The following SHC4 variants were observed in gnomAD, a reference collection of about 807,000 sequenced individuals.
The protein encoded by SHC4 is SHC-transforming protein 4.
Under a neutral mutation model 69.4 loss-of-function variants are expected in SHC4, and 41 were observed. The observed-to-expected ratio is 0.59, with a 90% confidence interval of 0.46 to 0.77. SHC4 has a LOEUF of 0.77. SHC4 is among the 30% of genes least tolerant of loss of function. The pLI is 0.00. For missense variants in SHC4, 777 were observed against 783.8 expected (o/e 0.99, Z 0.10); for synonymous variants, 318 against 299.3 (o/e 1.06, Z -0.64).
intron 4 of SHC4, among the ~76,000 whole-genome samples, chr15:48,875,373 T>G (rs1441001078): frequency 6.6e-6 from 1 of 152,232 alleles, no homozygotes. Context: ...TCATTCTTAG[T>G]GGCTAACCAC....
intron 8 of SHC4, 123 bp from the exon 9 acceptor site, chr15:48,851,371 T>C (rs1595731903): frequency 1.6e-5 from 14 of 898,232 alleles, no homozygotes; most frequent in Non-Finnish European, 1.7e-5. Flanking sequence ...CAGGAAATGT[T>C]TGACAGGTAA....
intron 1 of SHC4, among the ~76,000 whole-genome samples, chr15:48,956,501 T>G (rs1373442894): frequency 6.6e-6 from 1 of 152,164 alleles, no homozygotes; most frequent in Admixed American, 6.5e-5. Context: ...CCAAGTCCAG[T>G]CAGACCTAGC....
chr15:48,930,368 T>C (rs1356974018), intron 1 of SHC4, among the ~76,000 whole-genome samples: 1 of 152,272 alleles, frequency 6.6e-6, no homozygotes, highest in East Asian at 1.9e-4. Context: ...GGGTGAAATC[T>C]CTTTTTATAC....
chr15:48,912,499 T>C (rs1358438297), intron 2 of SHC4, among the ~76,000 whole-genome samples: 2 of 152,234 alleles, frequency 1.3e-5, no homozygotes, highest in Non-Finnish European at 2.9e-5. Flanking sequence ...ACTTCTTGTG[T>C]CATTTTCTGG....
intron 11 of SHC4, 85 bp from the exon 12 acceptor site, chr15:48,826,211 T>C: frequency 1.5e-6 from 2 of 1,305,854 alleles, no homozygotes; most frequent in Non-Finnish European, 2.1e-6. Context: ...AAATGCCAGA[T>C]ATATCCCTAA....
At chr15:48,912,638 GT>G (rs1182157593) in intron 2 of SHC4, among the ~76,000 whole-genome samples, 1 of 152,144 alleles carries the variant, frequency 6.6e-6, no homozygotes, top group Non-Finnish European at 1.5e-5. Flanking sequence ...GTGAACTAGT[GT>G]GATTTTTGGG....
rs1901577984 is a variant in SHC4 at position 48,963,224 on chromosome 15, C to T, written c.-209G>A. ...ACGCCTCCCCTGCTCTGATTTCAGT[C>T]TCTCCCTGGCCCAGGCAGAGGCACC... On this transcript the variant is annotated 5_prime_UTR_variant, in exon 1 of 12. Coordinates refer to ENST00000332408, the MANE Select transcript of SHC4 (RefSeq NM_203349.4). The T allele has an allele frequency of 7.3e-6, 4 of 546,638 alleles. No homozygotes were observed. The East Asian group carries it at 9.1e-5, about 12-fold the overall frequency. 33.9% of individuals were successfully genotyped at this position (546,638 alleles called of 1,614,324 possible).
At chr15:48,937,589 TAGATAGATAGA>T (rs1901096572) in intron 1 of SHC4, among the ~76,000 whole-genome samples, 1 of 143,274 alleles carries the variant, frequency 7.0e-6, no homozygotes, top group Non-Finnish European at 1.6e-5. Flanking sequence ...GACACATAGA[TAGATAGATAGA>T]TAGATAGATA....
intron 1 of SHC4, among the ~76,000 whole-genome samples, chr15:48,937,755 A>G (rs1421387570): frequency 2.0e-5 from 3 of 152,156 alleles, no homozygotes; most frequent in Non-Finnish European, 4.4e-5. Context: ...TGACTTGACA[A>G]AAGATTGCTG....
In SHC4 at chr15:48,890,762, T is replaced by C; in HGVS notation, c.706A>G (p.Ile236Val). The change falls in exon 3 of 12, where the codon ATT (isoleucine) becomes GTT (valine). Residue 236 changes from isoleucine to valine, a missense_variant. By Grantham distance (29) the Ile-to-Val change is conservative. Transcript: ENST00000332408. ...CEAVPGANGAIKKRKPPVKFL... is the reference protein window; with the variant it reads ...CEAVPGANGAVKKRKPPVKFL... ...TCATCATTTACCTTTCGCTTTTTAA[T>C]GGCTCCATTTGCCCCGGGGACAGCT... 6.2e-7 allele frequency: 1 copy of C among 1,614,220 alleles called. No homozygotes were observed. Among genetic ancestry groups the C allele is most frequent in the Non-Finnish European group, 8.5e-7 (1 of 1,180,028 alleles).
intron 4 of SHC4, chr15:48,878,385 A>G: frequency 6.2e-7 from 1 of 1,612,490 alleles, no homozygotes; most frequent in Non-Finnish European, 8.5e-7. Context: ...GCGGCGCCAG[A>G]GGGGAAACGG....
chr15:48,963,685 C>T lies in SHC4; in HGVS notation c.-670G>A, dbSNP rs1197581528. On this transcript the variant is annotated 5_prime_UTR_variant, in exon 1 of 12. Transcript: ENST00000332408. ...AGGAGTACTACTGACGGGCGCTGCT[C>T]CGCATTGTTTCACTGACTTGTGATG... Among the ~76,000 whole-genome samples the T allele has an allele frequency of 6.6e-6, 1 of 152,176 alleles. No homozygotes were observed. Among genetic ancestry groups the T allele is most frequent in the African/African-American group, 2.4e-5 (1 of 41,434 alleles).
chr15:48,852,939 TAAATA>T (rs1475788808), intron 8 of SHC4, among the ~76,000 whole-genome samples: 9 of 146,252 alleles, frequency 6.2e-5, no homozygotes, highest in Non-Finnish European at 1.4e-4. Context: ...AATAAATAAA[TAAATA>T]AAATAAAAAT....
intron 2 of SHC4, among the ~76,000 whole-genome samples, chr15:48,921,331 G>T (rs972478011): frequency 3.6e-5 from 5 of 140,372 alleles, no homozygotes; most frequent in East Asian, 2.1e-4. Flanking sequence ...GGAAGTTATC[G>T]TTTTTTTTTT....
intron 9 of SHC4, among the ~76,000 whole-genome samples, chr15:48,848,825 T>G (rs1899147278): frequency 6.6e-6 from 1 of 152,198 alleles, no homozygotes; most frequent in Admixed American, 6.5e-5. Flanking sequence ...ATGGGTGTTT[T>G]AAGAATTTTT....
chr15:48,861,674 C>T (rs1427203007), intron 6 of SHC4, among the ~76,000 whole-genome samples: 1 of 152,146 alleles, frequency 6.6e-6, no homozygotes, highest in East Asian at 1.9e-4. Context: ...GTTACCAAGG[C>T]CTGAGCTTTG....
chr15:48,890,442 G>C (rs1900116012), intron 3 of SHC4, among the ~76,000 whole-genome samples: 1 of 152,190 alleles, frequency 6.6e-6, no homozygotes, highest in Admixed American at 6.5e-5. Context: ...TAAGAACAGA[G>C]TCTCAGCAAG....
At chr15:48,936,655 T>C (rs954251202) in intron 1 of SHC4, among the ~76,000 whole-genome samples, 5 of 152,212 alleles carry the variant, frequency 3.3e-5, no homozygotes, top group African/African-American at 4.8e-5. Context: ...GTGAGTCAAT[T>C]AAACCTCTTT....
intron 3 of SHC4, among the ~76,000 whole-genome samples, chr15:48,886,447 A>G (rs2141003687): frequency 6.6e-6 from 1 of 152,308 alleles, no homozygotes; most frequent in East Asian, 1.9e-4. Flanking sequence ...TCATGCCATC[A>G]TTAGAAATGT....
Sources: gnomAD v4.1 joint callset for allele counts (sites outside exome capture counted in the v4.1 genomes callset) on GRCh38, gnomAD v4.1.1 for gene constraint, MANE v1.5 for transcripts, NCBI Gene and HGNC (gene_info 2026-07-23, HGNC 2026-07-21) for gene names.